The following OR1L8 variants were observed in gnomAD, a reference collection of about 807,000 sequenced individuals.
OR1L8 encodes the protein olfactory receptor family 1 subfamily L member 8.
For synonymous variants in OR1L8, 148 were observed against 147.0 expected, an observed-to-expected ratio of 1.01 and a Z score of -0.05; for missense variants, 330 against 377.4, an observed-to-expected ratio of 0.87 and a Z score of 1.04.
At chr9:122,570,515 A>T (rs1010888132) in intron 4 of OR1L8, among the ~76,000 whole-genome samples, 1 of 152,220 alleles carries the variant, frequency 6.6e-6, no homozygotes, top group Non-Finnish European at 1.5e-5. Flanking sequence ...CAGGTTTTTC[A>T]TGTATAAAAT....
rs1564199651 is a variant in OR1L8, at chr9:122,567,900, A to G, written c.578T>C (p.Ile193Thr). ...CATCTGCACAATTTCATTGACAAAT[A>G]TGGAAGAGCAGGACAATTTCAGCAC... ...SPVLKLSCSS[I>T]FVNEIVQMTE... The change falls in exon 5 of 5, where the codon ATA (isoleucine) becomes ACA (threonine). Residue 193 changes from isoleucine to threonine, a missense_variant. Ile to Thr is a moderately conservative substitution (Grantham distance 89). Transcript: ENST00000641027. The G allele has an allele frequency of 6.2e-7, 1 of 1,614,090 alleles. No individual in the cohort carries two copies. Among genetic ancestry groups the G allele is most frequent in the Non-Finnish European group, 8.5e-7 (1 of 1,179,974 alleles).
At chr9:122,581,959 C>CTTTA (rs1317102346) in intron 1 of OR1L8, among the ~76,000 whole-genome samples, 2 of 152,080 alleles carry the variant, frequency 1.3e-5, no homozygotes, top group African/African-American at 4.8e-5. Context: ...AAAGACAGAA[C>CTTTA]TTTATTTCTT....
At chr9:122,552,039 A>ACTCTCTCTCTCTCT in the OR1L8 span, among the ~76,000 whole-genome samples, 10 of 89,356 alleles carry the variant, frequency 1.1e-4, no homozygotes, top group South Asian at 5.0e-4. Context: ...GGACACATAC[A>ACTCTCTCTCTCTCT]CACACACACA....
rs375144499 is a variant in OR1L8 at position 122,571,278 on chromosome 9, G to A, written c.-213+1502C>T. Reference sequence around the variant, plus strand: ...GTAAAACTGGCCATGCATGCCGGGCGCGGTGGCTCACACCTGTAATCCCAG... The same window carrying A: ...GTAAAACTGGCCATGCATGCCGGGCACGGTGGCTCACACCTGTAATCCCAG... On this transcript the variant is annotated intron_variant, in intron 4 of 4. Coordinates refer to ENST00000641027, the MANE Select transcript of OR1L8 (RefSeq NM_001004454.2). 3.0e-4 allele frequency among the ~76,000 whole-genome samples: 46 copies of A among 152,240 alleles called. 1 individual carries two copies. Among genetic ancestry groups the A allele is most frequent in the East Asian group, 1.5e-3 (8 of 5,182 alleles).
At chr9:122,559,500 G>T in the OR1L8 span, among the ~76,000 whole-genome samples, 1 of 151,996 alleles carries the variant, frequency 6.6e-6, no homozygotes, top group Non-Finnish European at 1.5e-5. Flanking sequence ...CTTTAGCTGT[G>T]TCCCAGAGAT....
chr9:122,553,515 G>A, the OR1L8 span: 1 of 1,614,038 alleles, frequency 6.2e-7, no homozygotes, highest in Non-Finnish European at 8.5e-7. Flanking sequence ...TGGGTGTCTT[G>A]CACAGCTATA....
the OR1L8 span, chr9:122,553,579 A>G: frequency 3.8e-5 from 62 of 1,614,036 alleles, no homozygotes; most frequent in African/African-American, 6.0e-4. Context: ...GTGATGGCAT[A>G]TGACCGCTAT....
the OR1L8 span, chr9:122,553,338 G>A: frequency 6.2e-7 from 1 of 1,613,870 alleles, no homozygotes; most frequent in East Asian, 2.2e-5. Flanking sequence ...GGTCACCATG[G>A]TGGGGAACCT....
intron 1 of OR1L8, among the ~76,000 whole-genome samples, chr9:122,582,285 T>TA (rs1407126845): frequency 6.6e-6 from 1 of 152,146 alleles, no homozygotes; most frequent in African/African-American, 2.4e-5. Flanking sequence ...ATCCATGGCT[T>TA]AAAAATAATA....
intron 3 of OR1L8, among the ~76,000 whole-genome samples, chr9:122,574,872 T>C (rs988860782): frequency 2.0e-5 from 3 of 152,262 alleles, no homozygotes; most frequent in Non-Finnish European, 1.5e-5. Flanking sequence ...ATTTTCCTTC[T>C]ATTCCTAGTT....
intron 3 of OR1L8, among the ~76,000 whole-genome samples, chr9:122,574,811 TGTTA>T (rs1346903066): frequency 2.0e-5 from 3 of 152,100 alleles, no homozygotes; most frequent in Non-Finnish European, 4.4e-5. Context: ...TCATGTATAA[TGTTA>T]GTTGTAGGAT....
the OR1L8 span, among the ~76,000 whole-genome samples, chr9:122,551,251 A>T: frequency 1.3e-5 from 2 of 152,320 alleles, no homozygotes; most frequent in East Asian, 3.9e-4. Context: ...GGATAATAGC[A>T]TGTACTCCAG....
At chr9:122,581,674 C>G (rs1025379822) in intron 1 of OR1L8, among the ~76,000 whole-genome samples, 2 of 152,082 alleles carry the variant, frequency 1.3e-5, no homozygotes, top group Non-Finnish European at 2.9e-5. Context: ...AGGCCGGGCA[C>G]AGTGGCTCAT....
chr9:122,556,632 T>C, the OR1L8 span, among the ~76,000 whole-genome samples: 1 of 152,090 alleles, frequency 6.6e-6, no homozygotes, highest in Non-Finnish European at 1.5e-5. Flanking sequence ...CATGTATACC[T>C]ATGTAACAAA....
At chr9:122,552,969 A>G in the OR1L8 span, 3 of 542,458 alleles carry the variant, frequency 5.5e-6, no homozygotes, top group African/African-American at 5.7e-5. Context: ...CTGCTATAGC[A>G]TACAAAGCAC....
rs1829444677 is a variant in OR1L8, at chr9:122,567,248, AT to A, written c.*299del. 8.2e-6 allele frequency: 2 copies of A among 243,960 alleles called. No individual in the cohort carries two copies. The allele number at this position is 243,960 out of a possible 1,614,324, so 15.1% of individuals were successfully genotyped here. The stretch of plus-strand genomic sequence containing the variant: ...GATCTGCCTTAATAAAAGGAGAGAA[AT>A]TTGTTTAGGAAATATTCATGGGGAA... On this transcript the variant is annotated 3_prime_UTR_variant, in exon 5 of 5. Transcript: ENST00000641027.
the OR1L8 span, among the ~76,000 whole-genome samples, chr9:122,561,523 G>A: frequency 3.7e-4 from 57 of 152,100 alleles, no homozygotes; most frequent in Non-Finnish European, 1.0e-4. Context: ...TGAGGTTTTT[G>A]TGGGGACGTT....
downstream of OR1L8, among the ~76,000 whole-genome samples, chr9:122,565,710 C>T (rs1564198632): frequency 6.6e-6 from 1 of 152,230 alleles, no homozygotes; most frequent in Non-Finnish European, 1.5e-5. Flanking sequence ...TTTTAACTTA[C>T]CTTCTCCCCA....
At chr9:122,560,234 G>A in the OR1L8 span, among the ~76,000 whole-genome samples, 1 of 151,964 alleles carries the variant, frequency 6.6e-6, no homozygotes, top group Non-Finnish European at 1.5e-5. Context: ...TTGCACGTGA[G>A]ATGGATCTCC....
Sources: gnomAD v4.1 joint callset for allele counts (sites outside exome capture counted in the v4.1 genomes callset) on GRCh38, gnomAD v4.1.1 for gene constraint, MANE v1.5 for transcripts, NCBI Gene and HGNC (gene_info 2026-07-23, HGNC 2026-07-21) for gene names.